The following VCL variants were observed in gnomAD, a reference collection of about 807,000 sequenced individuals.
VCL encodes the protein epididymis luminal protein 114.
A neutral mutation model predicts 125.7 loss-of-function variants in VCL; 47 were observed. The observed-to-expected ratio is 0.37, with a 90% confidence interval of 0.30 to 0.48. The LOEUF (loss-of-function observed/expected upper bound fraction) is 0.48. Ranked by LOEUF, VCL falls within the 20% of genes least tolerant of loss-of-function variation. The probability of loss-of-function intolerance (pLI) is 0.99; values close to 1 mark genes in which losing one functional copy is unlikely to be tolerated. For synonymous variants in VCL, 458 were observed against 514.6 expected (o/e 0.89, Z 1.49); for missense variants, 1,069 against 1,455.5 (o/e 0.73, Z 4.32).
intron 1 of VCL, among the ~76,000 whole-genome samples, chr10:74,018,568 T>C (rs766843255): frequency 2.0e-5 from 3 of 151,844 alleles, no homozygotes; most frequent in Non-Finnish European, 4.4e-5. Flanking sequence ...CTGTGCAGAG[T>C]GAATACAAAG....
At chr10:74,001,210 T>C (rs1840217735) in intron 1 of VCL, among the ~76,000 whole-genome samples, 1 of 152,208 alleles carries the variant, frequency 6.6e-6, no homozygotes, top group South Asian at 2.1e-4. Flanking sequence ...CCAGAGGACC[T>C]ACCCATTGCT....
chr10:74,111,857 T>C (rs1840224157), intron 18 of VCL, 52 bp from the exon 19 acceptor site: 4 of 1,608,068 alleles, frequency 2.5e-6, no homozygotes, highest in East Asian at 2.2e-5. Flanking sequence ...CCAAGTCGTA[T>C]TGCTCTTACT....
At chr10:74,041,106 C>T (rs1841086642) in intron 1 of VCL, among the ~76,000 whole-genome samples, 1 of 152,196 alleles carries the variant, frequency 6.6e-6, no homozygotes, top group Non-Finnish European at 1.5e-5. Flanking sequence ...ACCTTGGTCT[C>T]CCAAAGTGCT....
Position 74,089,276 on chromosome 10 carries a change from A to G in VCL, c.1103A>G (p.Glu368Gly). 6.2e-7 allele frequency: 1 copy of G among 1,614,200 alleles called. No homozygotes were observed. Among genetic ancestry groups the G allele is most frequent in the Non-Finnish European group, 8.5e-7 (1 of 1,180,036 alleles). ...QGLDVLTAKV[E>G]NAARKLEAMT... ...CTGGATGTGCTCACAGCAAAAGTGG[A>G]AAATGCAGCTCGCAAGCTGGAAGCC... The change falls in exon 9 of 22, where the codon GAA (glutamate) becomes GGA (glycine). Residue 368 changes from glutamate (E) to glycine (G), a missense_variant. Transcript: ENST00000211998.
Position 74,036,704 on chromosome 10 carries a change from TA to T in VCL, c.169-6367del, listed in dbSNP as rs769602439. Among the ~76,000 whole-genome samples, 416 of 142,920 alleles carry T rather than the reference TA, an allele frequency of 2.9e-3. 1 individual carries two copies. Among genetic ancestry groups the T allele is most frequent in the African/African-American group, 6.2e-3 (242 of 39,254 alleles). The allele number at this position is 142,920 out of a possible 152,430, so 93.8% of individuals were successfully genotyped here. ...TGGGCAATATAGCAAGACCCCATCT[TA>T]AAAAAAAAAAAGTAAAAAAGAAGCA... On this transcript the variant is annotated intron_variant, in intron 1 of 21. Transcript: ENST00000211998.
intron 1 of VCL, among the ~76,000 whole-genome samples, chr10:74,021,433 T>C (rs911583783): frequency 6.6e-6 from 1 of 152,164 alleles, no homozygotes. Flanking sequence ...ATAAAAATTC[T>C]GAGTCATAGA....
At chr10:74,029,115 G>T (rs538849743) in intron 1 of VCL, among the ~76,000 whole-genome samples, 39 of 151,392 alleles carry the variant, frequency 2.6e-4, no homozygotes, top group Non-Finnish European at 5.2e-4. Flanking sequence ...CCATACAGAA[G>T]AATTTTTTTT....
At chr10:74,100,880 A>G in intron 13 of VCL, 68 bp from the exon 14 acceptor site, 11 of 1,597,214 alleles carry the variant, frequency 6.9e-6, no homozygotes, top group Admixed American at 1.7e-5. Flanking sequence ...AAAGGATGAA[A>G]CTTTTTCTTA....
intron 2 of VCL, among the ~76,000 whole-genome samples, chr10:74,062,987 T>C (rs949690458): frequency 1.4e-4 from 22 of 152,216 alleles, no homozygotes; most frequent in African/African-American, 5.3e-4. Context: ...CAAGAATCCT[T>C]TGAACCCAAG....
intron 2 of VCL, among the ~76,000 whole-genome samples, chr10:74,050,795 G>A (rs1301138419): frequency 6.6e-6 from 1 of 152,072 alleles, no homozygotes; most frequent in Non-Finnish European, 1.5e-5. Context: ...GTCTCTTAAT[G>A]TGGATGCCCA....
chr10:74,114,456 A>C, intron 20 of VCL, 69 bp downstream of exon 20: 1 of 1,524,216 alleles, frequency 6.6e-7, no homozygotes, highest in East Asian at 2.4e-5. Context: ...TGTGTGTTGG[A>C]GGGGAGGGTA....
intron 4 of VCL, 48 bp from the exon 5 acceptor site, chr10:74,072,682 G>C (rs751436955): frequency 3.1e-6 from 5 of 1,613,154 alleles, no homozygotes; most frequent in Middle Eastern, 1.7e-4. Flanking sequence ...AGCCAGACCC[G>C]GGATTGTTTC....
chr10:74,025,991 A>G (rs539894003), intron 1 of VCL, among the ~76,000 whole-genome samples: 40 of 152,340 alleles, frequency 2.6e-4, no homozygotes, highest in Non-Finnish European at 4.0e-4. Context: ...TTGAGGAGGC[A>G]GTGTCTGATT....
intron 2 of VCL, among the ~76,000 whole-genome samples, chr10:74,070,139 GCTTT>G (rs1841641958): frequency 6.6e-6 from 1 of 151,890 alleles, no homozygotes; most frequent in Admixed American, 6.6e-5. Context: ...CTATTCCTTT[GCTTT>G]GTTTAGTTAT....
Position 74,114,432 on chromosome 10 carries a change from T to C in VCL, c.3153+45T>C, listed in dbSNP as rs561809089. 4,312 of 1,537,128 alleles carry C rather than the reference T, an allele frequency of 2.8e-3. 17 individuals are homozygous for C. The highest frequency in any genetic ancestry group is 3.4e-3 in the Non-Finnish European group (3,808 of 1,125,104). ...GCGTGTGTGTGTGTGTGTGTGTGTG[T>C]GTGTGCGTGTGTGTGTGTGTTGGAG... On this transcript the variant is annotated intron_variant, in intron 20 of 21. Transcript: ENST00000211998.
intron 1 of VCL, among the ~76,000 whole-genome samples, chr10:74,037,998 T>C (rs1841015638): frequency 9.1e-6 from 1 of 109,884 alleles, no homozygotes; most frequent in South Asian, 2.6e-4. Flanking sequence ...TCTTTTCTTT[T>C]CTTTTTTTTT....
At chr10:74,074,272 A>T (rs1167944745) in intron 5 of VCL, among the ~76,000 whole-genome samples, 1 of 152,206 alleles carries the variant, frequency 6.6e-6, no homozygotes, top group Non-Finnish European at 1.5e-5. Flanking sequence ...GGGGTTGGCA[A>T]ATCCAAGCTA....
chr10:74,054,978 T>C (rs537838128), intron 2 of VCL, among the ~76,000 whole-genome samples: 1 of 152,008 alleles, frequency 6.6e-6, no homozygotes, highest in Admixed American at 6.6e-5. Flanking sequence ...GATTTTAAAT[T>C]ATTTCTTGAT....
Position 74,105,068 on chromosome 10 carries a change from A to G in VCL, c.2149A>G (p.Ile717Val), listed in dbSNP as rs2131928288. The change falls in exon 16 of 22, where the codon ATT (isoleucine) becomes GTT (valine). Residue 717 changes from isoleucine (I) to valine (V), a missense_variant. By Grantham distance (29) the Ile-to-Val change is conservative. Around this residue, in one of 6 missense-constraint regions of VCL, gnomAD observed 760 missense variants for 928.9 expected, o/e 0.82. Coordinates refer to ENST00000211998, the MANE Select transcript of VCL (RefSeq NM_014000.3). ...CCTAACAGGGCTGGTGGACGAAGCC[A>G]TTGATACCAAATCTCTGTTGGATGC... ...EKMTGLVDEA[I>V]DTKSLLDASE... 6.2e-7 allele frequency: 1 copy of G among 1,614,220 alleles called. No individual in the cohort carries two copies. The highest frequency in any genetic ancestry group is 1.3e-5 in the African/African-American group (1 of 75,050).
Sources: gnomAD v4.1 joint callset for allele counts (sites outside exome capture counted in the v4.1 genomes callset) on GRCh38, gnomAD v4.1.1 for gene constraint, gnomAD v4.1.1 regional missense constraint, MANE v1.5 for transcripts, NCBI Gene and HGNC (gene_info 2026-07-23, HGNC 2026-07-21) for gene names.